The following TNFRSF8 variants were observed in gnomAD, a reference collection of about 807,000 sequenced individuals.
TNFRSF8 encodes the protein TNF receptor superfamily member 8, also known as tumor necrosis factor receptor superfamily member 8.
Under a neutral mutation model 70.8 loss-of-function variants are expected in TNFRSF8, and 26 were observed. The ratio of observed to expected loss-of-function variants is 0.37; its 90% CI spans 0.27 to 0.51. The LOEUF is 0.51. Ranked by LOEUF, TNFRSF8 falls within the 20% of genes least tolerant of loss-of-function variation. The pLI is 0.94. For synonymous variants in TNFRSF8, 356 were observed against 339.2 expected (o/e 1.05, Z -0.54); for missense variants, 720 against 807.9 (o/e 0.89, Z 1.32).
At chr1:12,084,078 T>C (rs1641110959) in intron 1 of TNFRSF8, among the ~76,000 whole-genome samples, 2 of 152,162 alleles carry the variant, frequency 1.3e-5, no homozygotes, top group African/African-American at 4.8e-5. Flanking sequence ...TGTGTTAGAC[T>C]TCAACAAATA....
rs1641648957 is a variant in TNFRSF8 at position 12,112,383 on chromosome 1, C to A, written c.793+369C>A. On this transcript the variant is annotated intron_variant, in intron 7 of 14. Coordinates refer to ENST00000263932, the MANE Select transcript of TNFRSF8 (RefSeq NM_001243.5). The surrounding 1 kb of genome is among the most constrained non-coding windows in gnomAD (Gnocchi z 5.3). Reference sequence around the variant, plus strand: ...CCACTCCACTCGCTGCCCCTATGAGCCACTTATTCTTTTTTTTTTTTTCCC... The same window carrying A: ...CCACTCCACTCGCTGCCCCTATGAGACACTTATTCTTTTTTTTTTTTTCCC... Among the ~76,000 whole-genome samples the A allele has an allele frequency of 6.6e-6, 1 of 151,778 alleles. No homozygotes were observed. Among genetic ancestry groups the A allele is most frequent in the African/African-American group, 2.4e-5 (1 of 41,302 alleles).
Position 12,104,469 on chromosome 1 carries a change from A to G in TNFRSF8, c.359A>G (p.Asn120Ser), listed in dbSNP as rs767295608. 4 of 1,613,378 alleles carry G rather than the reference A, an allele frequency of 2.5e-6. No individual in the cohort carries two copies. The East Asian group carries it at 8.9e-5, about 36-fold the overall frequency. ...ATGTTCTGTTCCACGTCTGCCGTCA[A>G]CTCCTGTGCCCGCTGCTTCTTCCAT... ...PGMFCSTSAV[N>S]SCARCFFHSV... The change falls in exon 4 of 15, where the codon AAC becomes AGC. Residue 120 changes from asparagine (N) to serine (S), a missense_variant. Physicochemically the swap from Asn to Ser is conservative, Grantham distance 46. Coordinates refer to ENST00000263932, the MANE Select transcript of TNFRSF8 (RefSeq NM_001243.5).
At position 12,079,729 on chromosome 1, in the gene TNFRSF8, T is replaced by C. The variant is rs371022130; in HGVS notation, c.64-4735T>C. The stretch of plus-strand genomic sequence containing the variant: ...GGCACAGGCTGGCCATCCCACCAGG[T>C]TGAGATCCCACAGCCCCTCCGCACA... On this transcript the variant is annotated intron_variant, in intron 1 of 14. Coordinates refer to ENST00000263932, the MANE Select transcript of TNFRSF8 (RefSeq NM_001243.5). 1.1e-3 allele frequency among the ~76,000 whole-genome samples: 163 copies of C among 152,218 alleles called. 1 individual carries two copies. Among genetic ancestry groups the C allele is most frequent in the Middle Eastern group, 3.4e-3 (1 of 294 alleles).
rs1042504688 is a variant in TNFRSF8, at chr1:12,134,699, G to A, written c.1310-889G>A. Among the ~76,000 whole-genome samples, 17 of 152,240 alleles carry A rather than the reference G, an allele frequency of 1.1e-4. No individual in the cohort carries two copies. The South Asian group carries it at 3.5e-3, about 32-fold the overall frequency. On this transcript the variant is annotated intron_variant, in intron 12 of 14. Transcript: ENST00000263932. Reference sequence around the variant, plus strand: ...AGAAAGAGAAAATCGAAGTCCAGCTGGAGTCAGAAGGGCTCCACAGCAGAC... The same window carrying A: ...AGAAAGAGAAAATCGAAGTCCAGCTAGAGTCAGAAGGGCTCCACAGCAGAC...
At chr1:12,118,846 GT>G (rs1028008097) in intron 8 of TNFRSF8, among the ~76,000 whole-genome samples, 1 of 151,718 alleles carries the variant, frequency 6.6e-6, no homozygotes, top group African/African-American at 2.4e-5. Context: ...GGTTGCATTT[GT>G]TTTTTTGTTT....
At position 12,066,630 on chromosome 1, in the gene TNFRSF8, G is replaced by A. The variant is rs1640746060; in HGVS notation, c.63+2969G>A. Among the ~76,000 whole-genome samples, 3 of 151,868 alleles carry A rather than the reference G, an allele frequency of 2.0e-5. No homozygotes were observed. The South Asian group carries it at 6.3e-4, about 32-fold the overall frequency. The stretch of plus-strand genomic sequence containing the variant: ...GGCATCCCAAAGTGCTGGGATTACA[G>A]GCGTGAGCCACCGCCCCCGGCCTAA... On this transcript the variant is annotated intron_variant, in intron 1 of 14. Coordinates refer to ENST00000263932, the MANE Select transcript of TNFRSF8 (RefSeq NM_001243.5).
intron 2 of TNFRSF8, among the ~76,000 whole-genome samples, chr1:12,095,291 T>G (rs551665247): frequency 8.3e-6 from 1 of 120,328 alleles, no homozygotes; most frequent in Non-Finnish European, 2.0e-5. Context: ...TACTGTATCT[T>G]TTTTTTTTTT....
intron 12 of TNFRSF8, among the ~76,000 whole-genome samples, chr1:12,132,154 A>G (rs929788579): frequency 3.9e-5 from 6 of 152,220 alleles, no homozygotes; most frequent in Non-Finnish European, 7.3e-5. Context: ...GAGTTCCCAC[A>G]TGCCCCACAC....
chr1:12,106,238 C>G lies in TNFRSF8; in HGVS notation c.421+1707C>G, dbSNP rs565355823. Among the ~76,000 whole-genome samples, 5 of 152,296 alleles carry G rather than the reference C, an allele frequency of 3.3e-5. No individual in the cohort carries two copies. The South Asian group carries it at 8.3e-4, about 25-fold the overall frequency. On this transcript the variant is annotated intron_variant, in intron 4 of 14. Transcript: ENST00000263932. ...TCTGGGCTCCACCTGCGCTGCCCTTCTTCCAGGTTGGAGGACGTGTGTGCT... is the reference window on the plus strand; with the variant it reads ...TCTGGGCTCCACCTGCGCTGCCCTTGTTCCAGGTTGGAGGACGTGTGTGCT...
rs537510787 is a variant in TNFRSF8 at position 12,065,498 on chromosome 1, G to A, written c.63+1837G>A. 4.6e-5 allele frequency among the ~76,000 whole-genome samples: 7 copies of A among 152,162 alleles called. 1 individual carries two copies. The highest frequency in any genetic ancestry group is 1.9e-4 in the East Asian group (1 of 5,190). On this transcript the variant is annotated intron_variant, in intron 1 of 14. Coordinates refer to ENST00000263932, the MANE Select transcript of TNFRSF8 (RefSeq NM_001243.5). Reference sequence around the variant, plus strand: ...AGATAAAGCCAAGTCTTTTGACACCGCCTCATCCTGATCCCTTCAAAGATA... The same window carrying A: ...AGATAAAGCCAAGTCTTTTGACACCACCTCATCCTGATCCCTTCAAAGATA...
At position 12,119,555 on chromosome 1, in the gene TNFRSF8, C is replaced by CTT. The variant is rs57055779; in HGVS notation, c.947-3717_947-3716dup. Reference sequence around the variant, plus strand: ...ATGAATGAAAACAGCTGTGAATATTCTTTTTTTTTTTTTAACATGTATGAA... The same window carrying CTT: ...ATGAATGAAAACAGCTGTGAATATTCTTTTTTTTTTTTTTTAACATGTATGAA... On this transcript the variant is annotated intron_variant, in intron 8 of 14. Transcript: ENST00000263932. The surrounding 1 kb of genome is among the most constrained non-coding windows in gnomAD (Gnocchi z 4.4). Among the ~76,000 whole-genome samples the CTT allele has an allele frequency of 0.37, 53,272 of 145,702 alleles. 9,651 individuals carry two copies. The highest frequency in any genetic ancestry group is 0.48 in the Admixed American group (7,080 of 14,690).
intron 12 of TNFRSF8, among the ~76,000 whole-genome samples, chr1:12,132,938 T>C (rs942147661): frequency 2.0e-5 from 3 of 151,584 alleles, no homozygotes. Context: ...AAAGTTGATG[T>C]GATTCATCCC....
intron 1 of TNFRSF8, chr1:12,080,304 G>A: frequency 1.9e-6 from 1 of 523,894 alleles, no homozygotes; most frequent in South Asian, 1.4e-5. Flanking sequence ...GGAGCCAGTG[G>A]AACATATGCC....
At chr1:12,105,033 T>C (rs1302836124) in intron 4 of TNFRSF8, among the ~76,000 whole-genome samples, 2 of 152,132 alleles carry the variant, frequency 1.3e-5, no homozygotes, top group Admixed American at 6.5e-5. Context: ...TCTCTGATAG[T>C]ACAAGGTGTC....
intron 1 of TNFRSF8, among the ~76,000 whole-genome samples, chr1:12,073,592 C>CT (rs796643706): frequency 0.029 from 3,564 of 121,206 alleles, 58 homozygotes; most frequent in African/African-American, 0.044. Flanking sequence ...TTTTCTTTTT[C>CT]TTTTTTTTTT....
At chr1:12,106,632 C>T (rs550058583) in intron 4 of TNFRSF8, among the ~76,000 whole-genome samples, 27 of 152,064 alleles carry the variant, frequency 1.8e-4, no homozygotes, top group Non-Finnish European at 3.8e-4. Context: ...CAGGGAGCTC[C>T]GAGCTGGTGG....
rs1640904752 is a variant in TNFRSF8, at chr1:12,074,599, A to G, written c.64-9865A>G. Reference sequence around the variant, plus strand: ...CCGGCCTCAAACTCACTTTCTGGCAATGGCAGTTCTGAGAAAAAAAGGTTC... The same window carrying G: ...CCGGCCTCAAACTCACTTTCTGGCAGTGGCAGTTCTGAGAAAAAAAGGTTC... On this transcript the variant is annotated intron_variant, in intron 1 of 14. Coordinates refer to ENST00000263932, the MANE Select transcript of TNFRSF8 (RefSeq NM_001243.5). Among the ~76,000 whole-genome samples the G allele has an allele frequency of 2.0e-5, 3 of 152,184 alleles. No homozygotes were observed. The South Asian group carries it at 6.2e-4, about 32-fold the overall frequency.
intron 1 of TNFRSF8, among the ~76,000 whole-genome samples, chr1:12,083,707 G>T (rs1641104150): frequency 1.3e-5 from 2 of 152,080 alleles, no homozygotes; most frequent in Admixed American, 6.6e-5. Flanking sequence ...AAAAAAGAGA[G>T]TAGACTAGAC....
At chr1:12,080,271 C>T in intron 1 of TNFRSF8, 3 of 521,668 alleles carry the variant, frequency 5.8e-6, no homozygotes, top group South Asian at 1.4e-5. Context: ...GTTTTGTTGG[C>T]AACATCCAAA....
Sources: gnomAD v4.1 joint callset for allele counts (sites outside exome capture counted in the v4.1 genomes callset) on GRCh38, gnomAD v4.1.1 for gene constraint, Gnocchi (gnomAD v3.1) non-coding constraint, MANE v1.5 for transcripts, NCBI Gene and HGNC (gene_info 2026-07-23, HGNC 2026-07-21) for gene names.